The following ARHGEF18 variants were observed in gnomAD, a reference collection of about 807,000 sequenced individuals.
ARHGEF18 encodes the protein Rho/Rac guanine nucleotide exchange factor 18, also known as rho guanine nucleotide exchange factor 18.
A neutral mutation model predicts 155.7 loss-of-function variants in ARHGEF18; 93 were observed. The observed-to-expected ratio is 0.60, with a 90% confidence interval of 0.50 to 0.71. The LOEUF (loss-of-function observed/expected upper bound fraction) is 0.71. ARHGEF18 is among the 30% of genes least tolerant of loss of function. ARHGEF18 has a pLI of 0.00. For synonymous variants in ARHGEF18, 742 were observed against 753.1 expected (o/e 0.99, Z 0.24); for missense variants, 1,593 against 1,816.1 (o/e 0.88, Z 2.23).
Position 7,467,451 on chromosome 19 carries a change from C to A in ARHGEF18, c.3247C>A (p.Arg1083Ser). Residue 1083 changes from arginine to serine, a missense_variant, in exon 26 of 29, where the codon CGT (arginine) becomes AGT (serine). Physicochemically the swap from Arg to Ser is moderately radical, Grantham distance 110. Coordinates refer to ENST00000668164, the MANE Select transcript of ARHGEF18 (RefSeq NM_001367823.1). ...CCAGTGGCAGCACCAGGAGCTGGAG[C>A]GTGCGGGCGCGCGGCTGCAGGAGCG... Reference protein sequence around the residue: ...ERQWQHQELERAGARLQEREG... With the variant: ...ERQWQHQELESAGARLQEREG... 1 of 1,514,032 alleles carries A rather than the reference C, an allele frequency of 6.6e-7. No individual in the cohort carries two copies. Among genetic ancestry groups the A allele is most frequent in the South Asian group, 1.2e-5 (1 of 82,098 alleles). 93.8% of individuals were successfully genotyped at this position (1,514,032 alleles called of 1,614,324 possible). A position where few individuals can be genotyped will look rare whatever the true frequency, so the allele number is the denominator to read the frequency against.
At chr19:7,420,829 C>T (rs951845411) in intron 10 of ARHGEF18, among the ~76,000 whole-genome samples, 3 of 152,206 alleles carry the variant, frequency 2.0e-5, no homozygotes, top group African/African-American at 7.2e-5. Flanking sequence ...GGAGAGGAGA[C>T]GTTATGGGGT....
intron 1 of ARHGEF18, among the ~76,000 whole-genome samples, chr19:7,352,647 C>T (rs1969186098): frequency 6.8e-6 from 1 of 146,074 alleles, no homozygotes; most frequent in Non-Finnish European, 1.5e-5. Flanking sequence ...CATTCTCCTG[C>T]CTCAGCCTCC....
At chr19:7,361,252 G>T (rs371571577) in intron 1 of ARHGEF18, among the ~76,000 whole-genome samples, 2 of 152,112 alleles carry the variant, frequency 1.3e-5, no homozygotes, top group African/African-American at 4.8e-5. Flanking sequence ...CCTGGCCAAC[G>T]TAGCAAGACC....
chr19:7,456,329 A>G lies in ARHGEF18; in HGVS notation c.2107A>G (p.Ile703Val), dbSNP rs1975824051. Residue 703 changes from isoleucine to valine, a missense_variant and splice_region_variant, in exon 18 of 29, where the codon ATC becomes GTC. Transcript: ENST00000668164. ...ATCCTTCCATGCTGTTTTCCCAGAT[A>G]TCCTGGCTATCCTGCTGACCGACGT... ...WKTTSGRLKD[I>V]LAILLTDVLL... 1 of 1,614,100 alleles carries G rather than the reference A, an allele frequency of 6.2e-7. No homozygotes were observed. Among genetic ancestry groups the G allele is most frequent in the Non-Finnish European group, 8.5e-7 (1 of 1,179,956 alleles).
chr19:7,440,071 C>T lies in ARHGEF18; in HGVS notation c.968-273C>T, dbSNP rs531485198. On this transcript the variant is annotated intron_variant, in intron 10 of 28. Coordinates refer to ENST00000668164, the MANE Select transcript of ARHGEF18 (RefSeq NM_001367823.1). This position sits in a 1 kb window ranked among gnomAD's most constrained non-coding sequence, Gnocchi z 5.4. The stretch of plus-strand genomic sequence containing the variant: ...AAAAACGGCGCAGCCCAGCCTGGCG[C>T]CGCGCCGGGTCCCGGAGCCCCGGGC... 1.3e-6 allele frequency: 2 copies of T among 1,550,512 alleles called. No homozygotes were observed. The highest frequency in any genetic ancestry group is 1.7e-6 in the Non-Finnish European group (2 of 1,146,620).
intron 3 of ARHGEF18, 85 bp from the exon 4 acceptor site, chr19:7,375,635 T>C (rs1970427410): frequency 3.3e-6 from 4 of 1,216,198 alleles, no homozygotes; most frequent in Middle Eastern, 2.8e-4. Context: ...CCCTTGCATG[T>C]TCTTTCAAGC....
chr19:7,467,603 G>A lies in ARHGEF18; in HGVS notation c.3399G>A (p.Glu1133=). The A allele has an allele frequency of 6.6e-7, 1 of 1,510,170 alleles. No homozygotes were observed. Among genetic ancestry groups the A allele is most frequent in the Non-Finnish European group, 8.8e-7 (1 of 1,137,266 alleles). The allele number at this position is 1,510,170 out of a possible 1,614,324, so 93.5% of individuals were successfully genotyped here. A position where few individuals can be genotyped will look rare whatever the true frequency, so the allele number is the denominator to read the frequency against. The change falls in exon 26 of 29, where the codon GAG becomes GAA. Residue 1133 remains glutamate (E), a synonymous_variant. Transcript: ENST00000668164. The part of the protein sequence containing the change: ...LREAQRAVER[E]RERLELLRRL... ...AGGCCCAGCGTGCCGTGGAGCGCGAGCGGGAGCGCCTGGAGCTGCTGCGCC... is the reference window on the plus strand; with the variant it reads ...AGGCCCAGCGTGCCGTGGAGCGCGAACGGGAGCGCCTGGAGCTGCTGCGCC...
In ARHGEF18 at chr19:7,438,912, G is replaced by A. The variant is rs571617500; in HGVS notation, c.968-1432G>A. On this transcript the variant is annotated intron_variant, in intron 10 of 28. Transcript: ENST00000668164. ...TTTTTAGGCGGAGTCTCACTCTGTC[G>A]CCCAGGCTGGAGTGCAGTGGCGCAA... Among the ~76,000 whole-genome samples, 14 of 151,960 alleles carry A rather than the reference G, an allele frequency of 9.2e-5. No individual in the cohort carries two copies. In the East Asian group the frequency reaches 9.7e-4, roughly 11 times the overall value.
intron 16 of ARHGEF18, among the ~76,000 whole-genome samples, chr19:7,453,113 C>T (rs192341007): frequency 6.6e-6 from 1 of 152,074 alleles, no homozygotes; most frequent in Admixed American, 6.5e-5. Flanking sequence ...GCAGGAGAAT[C>T]GCTTGAACCT....
intron 10 of ARHGEF18, 52 bp downstream of exon 10, chr19:7,383,255 T>G: frequency 2.4e-6 from 3 of 1,231,722 alleles, no homozygotes; most frequent in Non-Finnish European, 3.0e-6. Flanking sequence ...CTTTCTCTTC[T>G]TCACGTCCTT....
In ARHGEF18 at chr19:7,393,640, G is replaced by A. The variant is rs187500062; in HGVS notation, c.967+10437G>A. On this transcript the variant is annotated intron_variant, in intron 10 of 28. Transcript: ENST00000668164. ...AGACAGGCAACCTCAAGACTGGGGT[G>A]TCTGATGGCAATTGAGAGGTTGCTG... 2.9e-3 allele frequency among the ~76,000 whole-genome samples: 435 copies of A among 152,040 alleles called. 3 individuals are homozygous for A. Among genetic ancestry groups the A allele is most frequent in the Admixed American group, 7.7e-3 (118 of 15,234 alleles).
Position 7,440,973 on chromosome 19 carries a change from A to G in ARHGEF18, c.1106+491A>G, listed in dbSNP as rs1425615909. ...GTAAATTATCATTTTCCTCTGAGTAAGGACTGCCCTCCCACCTTGACCATG... is the reference window on the plus strand; with the variant it reads ...GTAAATTATCATTTTCCTCTGAGTAGGGACTGCCCTCCCACCTTGACCATG... On this transcript the variant is annotated intron_variant, in intron 11 of 28. Transcript: ENST00000668164. This position sits in a 1 kb window ranked among gnomAD's most constrained non-coding sequence, Gnocchi z 5.4. 6.6e-6 allele frequency among the ~76,000 whole-genome samples: 1 copy of G among 152,024 alleles called. No individual in the cohort carries two copies. Among genetic ancestry groups the G allele is most frequent in the Non-Finnish European group, 1.5e-5 (1 of 68,018 alleles).
intron 15 of ARHGEF18, among the ~76,000 whole-genome samples, chr19:7,450,783 G>A (rs75852461): frequency 0.094 from 6 of 64 alleles, no homozygotes; most frequent in African/African-American, 0.17. Context: ...CGGTGTTAAT[G>A]CGGGATCTTG....
intron 10 of ARHGEF18, among the ~76,000 whole-genome samples, chr19:7,435,192 T>G (rs1938546628): frequency 1.3e-5 from 2 of 150,404 alleles, no homozygotes; most frequent in South Asian, 4.2e-4. Context: ...AGAGCGAGAC[T>G]CCATCTCAAA....
intron 10 of ARHGEF18, among the ~76,000 whole-genome samples, chr19:7,409,008 C>T (rs145634178): frequency 0.068 from 10,287 of 150,698 alleles, 1,128 homozygotes; most frequent in African/African-American, 0.23. Flanking sequence ...TGCAGTGAGC[C>T]GTGATTGCAC....
chr19:7,421,076 G>A (rs941634748), intron 10 of ARHGEF18, among the ~76,000 whole-genome samples: 4 of 152,072 alleles, frequency 2.6e-5, no homozygotes, highest in African/African-American at 9.7e-5. Context: ...GTCTGCAGGC[G>A]TGTGACACCA....
chr19:7,433,502 G>A (rs1333770511), intron 10 of ARHGEF18, among the ~76,000 whole-genome samples: 7 of 76,330 alleles, frequency 9.2e-5, no homozygotes, highest in South Asian at 5.9e-4. Context: ...GCAAGACTCC[G>A]TCTCCAAAAA....
At chr19:7,442,737 A>C (rs936162089) in intron 13 of ARHGEF18, among the ~76,000 whole-genome samples, 16 of 152,162 alleles carry the variant, frequency 1.1e-4, no homozygotes, top group African/African-American at 3.6e-4. Context: ...GGTGGCTTAG[A>C]AGCCACAGAA....
In ARHGEF18 at chr19:7,378,418, G is replaced by A; in HGVS notation, c.566G>A (p.Cys189Tyr). Reference protein sequence around the residue: ...VQGLEPPVLECMEKDHVEPDH... With the variant: ...VQGLEPPVLEYMEKDHVEPDH... ...GGCCTGGAACCTCCAGTGCTGGAGT[G>A]CATGGAAAAAGACCATGTGGAACCA... is the stretch of plus-strand genomic sequence containing the variant. Residue 189 changes from cysteine (C) to tyrosine (Y), a missense_variant, in exon 6 of 29, where the codon TGC becomes TAC. Physicochemically the swap from Cys to Tyr is radical, Grantham distance 194. Transcript: ENST00000668164. 1 of 1,234,440 alleles carries A rather than the reference G, an allele frequency of 8.1e-7. No individual in the cohort carries two copies. The highest frequency in any genetic ancestry group is 1.0e-6 in the Non-Finnish European group (1 of 988,256). The allele number at this position is 1,234,440 out of a possible 1,614,324, so 76.5% of individuals were successfully genotyped here.
Sources: gnomAD v4.1 joint callset for allele counts (sites outside exome capture counted in the v4.1 genomes callset) on GRCh38, gnomAD v4.1.1 for gene constraint, Gnocchi (gnomAD v3.1) non-coding constraint, MANE v1.5 for transcripts, NCBI Gene and HGNC (gene_info 2026-07-23, HGNC 2026-07-21) for gene names.